Variants in USP6 observed in about 807,000 individuals in gnomAD.
USP6 encodes ubiquitin specific peptidase 6, also known as ubiquitin carboxyl-terminal hydrolase 6.
In USP6, 128 loss-of-function variants were observed where a neutral mutation model predicts 175.7. The ratio of observed to expected loss-of-function variants is 0.73; its 90% CI spans 0.63 to 0.84. The LOEUF is 0.84. Ranked by LOEUF, USP6 falls within the 40% of genes least tolerant of loss-of-function variation. USP6 has a pLI of 0.00. For synonymous variants in USP6, 562 were observed against 630.6 expected, an observed-to-expected ratio of 0.89 and a Z score of 1.63; for missense variants, 1,498 against 1,760.3, an observed-to-expected ratio of 0.85 and a Z score of 2.67.
rs1286231702 is a variant in USP6 at position 5,141,490 on chromosome 17, A to G, written c.1564A>G (p.Arg522Gly). The change falls in exon 23 of 38, where the codon AGA becomes GGA. Residue 522 changes from arginine (R) to glycine (G), a missense_variant. Around this residue, in one of 2 missense-constraint regions of USP6, gnomAD observed 1,217 missense variants for 1,500.8 expected, o/e 0.81. Coordinates refer to ENST00000574788, the MANE Select transcript of USP6 (RefSeq NM_001304284.2). Reference protein sequence around the residue: ...SFTANSSKIDRQKVPTEKGAT... With the variant: ...SFTANSSKIDGQKVPTEKGAT... The stretch of plus-strand genomic sequence containing the variant: ...TACAGCAAATAGTAGTAAAATAGAT[A>G]GACAAAAGGGTAAGTCTCCAGTATT... 6.2e-7 allele frequency: 1 copy of G among 1,602,852 alleles called. No homozygotes were observed. The highest frequency in any genetic ancestry group is 1.7e-5 in the Admixed American group (1 of 58,474).
intron 9 of USP6, 136 bp downstream of exon 9, chr17:5,130,225 G>T: frequency 1.3e-6 from 1 of 746,394 alleles, no homozygotes; most frequent in Non-Finnish European, 2.3e-6. Flanking sequence ...TGGGCCATGG[G>T]GTTTGGCCCC....
intron 22 of USP6, 79 bp from the exon 23 acceptor site, chr17:5,141,346 A>T (rs951870809): frequency 1.1e-4 from 94 of 834,548 alleles, no homozygotes; most frequent in Non-Finnish European, 1.4e-4. Context: ...AGATGTCTTT[A>T]AAAAAAAAAA....
intron 27 of USP6, among the ~76,000 whole-genome samples, 163 bp downstream of exon 27, chr17:5,145,742 G>A (rs2073588998): frequency 6.6e-6 from 1 of 152,142 alleles, no homozygotes; most frequent in Non-Finnish European, 1.5e-5. Context: ...TTTGAAAGAT[G>A]TAGATTGGGG....
At chr17:5,139,140 C>A (rs1272933454) in intron 21 of USP6, 115 bp from the exon 22 acceptor site, 2 of 1,597,780 alleles carry the variant, frequency 1.3e-6, no homozygotes, top group Admixed American at 1.7e-5. Flanking sequence ...AGTGTCAGAC[C>A]ACAGGGGCCA....
chr17:5,128,797 T>C (rs2072971556), intron 7 of USP6, 155 bp from the exon 8 acceptor site: 1 of 152,654 alleles, frequency 6.6e-6, no homozygotes, highest in Non-Finnish European at 1.5e-5. Context: ...ACCTATCCGC[T>C]CTCCAGACTG....
intron 23 of USP6, 68 bp downstream of exon 23, chr17:5,141,567 A>G (rs1247413715): frequency 8.6e-6 from 12 of 1,397,192 alleles, no homozygotes; most frequent in Non-Finnish European, 1.2e-5. Context: ...TTCAACTATT[A>G]AAGTGCTAAC....
At chr17:5,136,541 T>G in intron 17 of USP6, 99 bp from the exon 18 acceptor site, 2 of 1,441,842 alleles carry the variant, frequency 1.4e-6, no homozygotes, top group Non-Finnish European at 9.6e-7. Context: ...CGGGAGGCCT[T>G]GGGGTTTGGG....
intron 4 of USP6, among the ~76,000 whole-genome samples, chr17:5,122,620 T>C (rs1467322317): frequency 4.6e-5 from 7 of 151,152 alleles, no homozygotes; most frequent in Non-Finnish European, 5.9e-5. Context: ...TGCGGGGCCC[T>C]CCCGGAACGG....
rs2074269664 is a variant in USP6 at position 5,173,596 on chromosome 17, CAT to C, written c.*620_*621del. 4.6e-6 allele frequency: 1 copy of C among 219,446 alleles called. No individual in the cohort carries two copies. Among genetic ancestry groups the C allele is most frequent in the Non-Finnish European group, 9.2e-6 (1 of 109,120 alleles). 13.6% of individuals were successfully genotyped at this position (219,446 alleles called of 1,614,324 possible). On this transcript the variant is annotated 3_prime_UTR_variant, in exon 38 of 38. Coordinates refer to ENST00000574788, the MANE Select transcript of USP6 (RefSeq NM_001304284.2). ...CACAACCAGTCATTGGTGGCAGGGG[CAT>C]AGAGTGGTCAGTCTGAAAGGGAGGC...
At chr17:5,140,287 G>A (rs574731099) in intron 22 of USP6, among the ~76,000 whole-genome samples, 60 of 152,302 alleles carry the variant, frequency 3.9e-4, no homozygotes, top group African/African-American at 1.2e-3. Flanking sequence ...AATTTAGGCC[G>A]GGTGTGGTGG....
At chr17:5,170,408 A>G (rs2074188140) in intron 35 of USP6, 71 bp from the exon 36 acceptor site, 3 of 1,537,380 alleles carry the variant, frequency 2.0e-6, no homozygotes, top group Non-Finnish European at 8.8e-7. Flanking sequence ...CTAACCTCGG[A>G]GTTAGCATTT....
At chr17:5,154,071 G>T (rs576863381) in intron 30 of USP6, among the ~76,000 whole-genome samples, 2 of 152,344 alleles carry the variant, frequency 1.3e-5, no homozygotes, top group South Asian at 4.1e-4. Context: ...GATGAAAATT[G>T]TGTGGGTTTA....
intron 33 of USP6, among the ~76,000 whole-genome samples, chr17:5,166,509 G>C (rs1302541681): frequency 6.6e-6 from 1 of 152,136 alleles, no homozygotes; most frequent in Non-Finnish European, 1.5e-5. Flanking sequence ...AATTCATGGA[G>C]GAAGTTCACC....
Position 5,125,122 on chromosome 17 carries a change from C to G in USP6, c.-742C>G, listed in dbSNP as rs2072845994. 6.6e-6 allele frequency: 1 copy of G among 152,178 alleles called. No individual in the cohort carries two copies. The highest frequency in any genetic ancestry group is 2.1e-4 in the South Asian group (1 of 4,828). The allele number at this position is 152,178 out of a possible 1,614,324, so 9.4% of individuals were successfully genotyped here. On this transcript the variant is annotated 5_prime_UTR_variant, in exon 5 of 38. Transcript: ENST00000574788. ...GTTAGATTCTCACAGAAGCATGAACCCTACTGTGAACTGCGCATGCCAGGG... is the reference window on the plus strand; with the variant it reads ...GTTAGATTCTCACAGAAGCATGAACGCTACTGTGAACTGCGCATGCCAGGG...
intron 31 of USP6, among the ~76,000 whole-genome samples, chr17:5,160,003 GC>G (rs1357053650): frequency 2.0e-5 from 3 of 151,842 alleles, no homozygotes; most frequent in East Asian, 1.9e-4. Flanking sequence ...TGCAGGGGGA[GC>G]AGGATTCTCA....
intron 30 of USP6, among the ~76,000 whole-genome samples, chr17:5,153,312 G>T (rs2073812922): frequency 6.6e-6 from 1 of 152,220 alleles, no homozygotes; most frequent in Admixed American, 6.5e-5. Context: ...TTGCAATGGA[G>T]TTTCGCTCTT....
At chr17:5,147,218 C>T (rs1410596332) in intron 29 of USP6, 24 bp downstream of exon 29, 9 of 1,578,530 alleles carry the variant, frequency 5.7e-6, no homozygotes, top group Non-Finnish European at 6.9e-6. Context: ...AGAACTCCTT[C>T]TCATGACTGC....
rs5027208 is a variant in USP6 at position 5,141,494 on chromosome 17, A to C, written c.1568A>C (p.Gln523Pro). 6 of 1,599,660 alleles carry C rather than the reference A, an allele frequency of 3.8e-6. No homozygotes were observed. The Admixed American group carries it at 8.6e-5, about 23-fold the overall frequency. Residue 523 changes from glutamine (Q) to proline (P), a missense_variant, in exon 23 of 38, where the codon CAA becomes CCA. Physicochemically the swap from Gln to Pro is moderately conservative, Grantham distance 76. Transcript: ENST00000574788. ...GCAAATAGTAGTAAAATAGATAGACAAAAGGGTAAGTCTCCAGTATTATTT... is the reference window on the plus strand; with the variant it reads ...GCAAATAGTAGTAAAATAGATAGACCAAAGGGTAAGTCTCCAGTATTATTT... ...FTANSSKIDR[Q>P]KVPTEKGATG... is the part of the protein sequence containing the mutation.
rs1222564994 is a variant in USP6 at position 5,139,909 on chromosome 17, TAAC to T, written c.1498+238_1498+240del. 3.3e-5 allele frequency among the ~76,000 whole-genome samples: 5 copies of T among 152,142 alleles called. No homozygotes were observed. The East Asian group carries it at 9.6e-4, about 29-fold the overall frequency. On this transcript the variant is annotated intron_variant, in intron 22 of 37. Coordinates refer to ENST00000574788, the MANE Select transcript of USP6 (RefSeq NM_001304284.2). ...CATGGCTGGATAATTTCCCGAGGCT[TAAC>T]AATCCAAGCAGGCTTCGCATCCTTG...
Sources: gnomAD v4.1 joint callset for allele counts (sites outside exome capture counted in the v4.1 genomes callset) on GRCh38, gnomAD v4.1.1 for gene constraint, gnomAD v4.1.1 regional missense constraint, MANE v1.5 for transcripts, NCBI Gene and HGNC (gene_info 2026-07-23, HGNC 2026-07-21) for gene names.